CSMD1: variants seen among roughly 807,000 people sequenced by gnomAD.
CSMD1 encodes CUB and Sushi multiple domains 1, also known as CUB and sushi domain-containing protein 1.
In CSMD1, 213 loss-of-function variants were observed where a neutral mutation model predicts 417.5. The ratio of observed to expected loss-of-function variants is 0.51; its 90% CI spans 0.46 to 0.57. The LOEUF (loss-of-function observed/expected upper bound fraction) is 0.57, where lower values mean the gene tolerates loss of function less well. Among genes scored for constraint, CSMD1 ranks in the 20% least tolerant of loss-of-function variants. The pLI, the probability that CSMD1 is intolerant of heterozygous loss-of-function variation, is 0.00. For synonymous variants in CSMD1, 2,862 were observed against 1,736.8 expected, an observed-to-expected ratio of 1.65 and a Z score of -16.11; for missense variants, 6,923 against 4,529.7, an observed-to-expected ratio of 1.53 and a Z score of -15.17.
At chr8:4,729,629 G>T (rs1221107863) in intron 1 of CSMD1, among the ~76,000 whole-genome samples, 1 of 152,162 alleles carries the variant, frequency 6.6e-6, no homozygotes, top group African/African-American at 2.4e-5. Context: ...GGTGAGAAAG[G>T]GGGGAATGCA....
At chr8:4,603,780 A>G (rs1189117782) in intron 2 of CSMD1, among the ~76,000 whole-genome samples, 2 of 152,192 alleles carry the variant, frequency 1.3e-5, no homozygotes, top group Admixed American at 6.5e-5. Flanking sequence ...GAGAAGTTGG[A>G]ATGAAACACA....
In CSMD1 at chr8:4,003,657, G is replaced by C. The variant is rs140458229; in HGVS notation, c.611-5547C>G. Among the ~76,000 whole-genome samples, 310 of 152,156 alleles carry C rather than the reference G, an allele frequency of 2.0e-3. 1 individual carries two copies. Among genetic ancestry groups the C allele is most frequent in the African/African-American group, 7.1e-3 (293 of 41,528 alleles). ...AATTCTGAAAATACATAAATACGAAGAGTAAAACTGATCTAGTTGTATGTT... is the reference window on the plus strand; with the variant it reads ...AATTCTGAAAATACATAAATACGAACAGTAAAACTGATCTAGTTGTATGTT... On this transcript the variant is annotated intron_variant, in intron 4 of 69. Coordinates refer to ENST00000635120, the MANE Select transcript of CSMD1 (RefSeq NM_033225.6).
chr8:4,053,406 T>G (rs557763988), intron 3 of CSMD1, among the ~76,000 whole-genome samples: 1 of 151,324 alleles, frequency 6.6e-6, no homozygotes, highest in East Asian at 2.0e-4. Context: ...TACCTTGGTG[T>G]GAATAGCTCC....
intron 4 of CSMD1, among the ~76,000 whole-genome samples, chr8:4,001,464 G>C (rs905256816): frequency 6.6e-6 from 1 of 152,114 alleles, no homozygotes; most frequent in Non-Finnish European, 1.5e-5. Flanking sequence ...GTAAAAGAGG[G>C]TTCTTTTTTA....
At chr8:4,375,174 G>C (rs893013579) in intron 3 of CSMD1, among the ~76,000 whole-genome samples, 1 of 152,134 alleles carries the variant, frequency 6.6e-6, no homozygotes, top group Non-Finnish European at 1.5e-5. Context: ...AATAACGAAA[G>C]CAAGAAATAT....
At chr8:4,253,718 C>G (rs2128833299) in intron 3 of CSMD1, among the ~76,000 whole-genome samples, 1 of 151,670 alleles carries the variant, frequency 6.6e-6, no homozygotes, top group East Asian at 2.0e-4. Context: ...TAATGCTTAA[C>G]TACACACATC....
intron 5 of CSMD1, among the ~76,000 whole-genome samples, chr8:3,947,375 G>C (rs138629192): frequency 6.6e-6 from 1 of 152,184 alleles, no homozygotes; most frequent in African/African-American, 2.4e-5. Context: ...TCCTGAAAGT[G>C]ACCCCAGTGG....
intron 47 of CSMD1, among the ~76,000 whole-genome samples, chr8:3,093,057 A>G (rs777628766): frequency 6.6e-6 from 1 of 152,144 alleles, no homozygotes; most frequent in African/African-American, 2.4e-5. Flanking sequence ...TTCAAGTAAG[A>G]CTGTTATAGA....
chr8:4,330,018 C>G (rs902971724), intron 3 of CSMD1, among the ~76,000 whole-genome samples: 4 of 152,116 alleles, frequency 2.6e-5, no homozygotes, highest in African/African-American at 9.7e-5. Flanking sequence ...GTACAGCATG[C>G]AGAACTGTGA....
At chr8:4,486,157 A>G in intron 2 of CSMD1, among the ~76,000 whole-genome samples, 1 of 22,352 alleles carries the variant, frequency 4.5e-5, no homozygotes, top group Non-Finnish European at 9.7e-5. Context: ...ATATATATAT[A>G]CATACATATA....
At chr8:3,301,278 TAGG>T (rs1804382822) in intron 25 of CSMD1, among the ~76,000 whole-genome samples, 2 of 151,944 alleles carry the variant, frequency 1.3e-5, no homozygotes, top group Admixed American at 6.6e-5. Flanking sequence ...CCTGGTGAGT[TAGG>T]AGGGTCTACC....
At chr8:3,636,984 C>G (rs527528852) in intron 7 of CSMD1, among the ~76,000 whole-genome samples, 40 of 152,130 alleles carry the variant, frequency 2.6e-4, no homozygotes, top group Non-Finnish European at 5.1e-4. Context: ...GTCTCTCTCT[C>G]TCTTTCTCTC....
chr8:4,400,249 C>G (rs1563133980), intron 3 of CSMD1, among the ~76,000 whole-genome samples: 1 of 152,176 alleles, frequency 6.6e-6, no homozygotes, highest in Non-Finnish European at 1.5e-5. Context: ...GGAAGAAGTT[C>G]TGGCTCTCTG....
At chr8:3,213,902 G>C (rs1797749643) in intron 30 of CSMD1, among the ~76,000 whole-genome samples, 1 of 151,222 alleles carries the variant, frequency 6.6e-6, no homozygotes, top group Admixed American at 6.6e-5. Flanking sequence ...CTGTCACCCA[G>C]GCTGGAGTGC....
At chr8:4,356,444 G>C (rs78545517) in intron 3 of CSMD1, among the ~76,000 whole-genome samples, 23,947 of 152,108 alleles carry the variant, frequency 0.16, 1,988 homozygotes, top group Admixed American at 0.24. Context: ...GCATGTACAA[G>C]TATCCTTTTC....
At chr8:4,987,123 G>A (rs777219879) in intron 1 of CSMD1, among the ~76,000 whole-genome samples, 17 of 152,088 alleles carry the variant, frequency 1.1e-4, no homozygotes, top group Non-Finnish European at 1.9e-4. Flanking sequence ...GTGAGATTAC[G>A]TGTATTCTCT....
At chr8:4,942,400 T>C (rs1012068152) in intron 1 of CSMD1, among the ~76,000 whole-genome samples, 1 of 152,194 alleles carries the variant, frequency 6.6e-6, no homozygotes, top group Non-Finnish European at 1.5e-5. Flanking sequence ...TCTTATCATG[T>C]TGTACTGGAG....
intron 16 of CSMD1, 104 bp downstream of exon 16, chr8:3,399,287 A>C: frequency 1.9e-6 from 2 of 1,078,380 alleles, no homozygotes; most frequent in Non-Finnish European, 2.6e-6. Flanking sequence ...CCTATGCGGG[A>C]ACCGAAAAAA....
chr8:4,292,666 A>G (rs1035945392), intron 3 of CSMD1, among the ~76,000 whole-genome samples: 1 of 152,166 alleles, frequency 6.6e-6, no homozygotes, highest in Admixed American at 6.5e-5. Flanking sequence ...GTTTCTATAC[A>G]TGAAAATATT....
Sources: allele counts gnomAD v4.1 joint callset (sites outside exome capture counted in the v4.1 genomes callset), GRCh38; gene constraint gnomAD v4.1.1; transcripts MANE v1.5; gene names NCBI Gene and HGNC (gene_info 2026-07-23, HGNC 2026-07-21).